Variants in KDM1A observed in about 807,000 individuals in gnomAD.
The protein encoded by KDM1A is lysine-specific histone demethylase 1A.
KDM1A carries 49 observed loss-of-function variants against 109.4 expected under a neutral mutation model. That is an observed-to-expected ratio of 0.45 (90% CI 0.36 to 0.57). The LOEUF (loss-of-function observed/expected upper bound fraction) is 0.57, where lower values mean the gene tolerates loss of function less well. Among genes scored for constraint, KDM1A ranks in the 20% least tolerant of loss-of-function variants. KDM1A has a pLI of 0.00. For synonymous variants in KDM1A, 380 were observed against 415.4 expected (o/e 0.91, Z 1.04); for missense variants, 668 against 1,116.6 (o/e 0.60, Z 5.73).
intron 3 of KDM1A, among the ~76,000 whole-genome samples, chr1:23,049,887 C>T (rs561850758): frequency 3.9e-5 from 6 of 152,248 alleles, no homozygotes; most frequent in South Asian, 2.1e-4. Context: ...TGCTTGCCAG[C>T]GTTGAATTAT....
At chr1:23,048,974 C>A (rs1360206473) in intron 3 of KDM1A, among the ~76,000 whole-genome samples, 3 of 147,860 alleles carry the variant, frequency 2.0e-5, no homozygotes, top group Non-Finnish European at 2.9e-5. Context: ...CATGGGGAAA[C>A]CCTGTCTCTA....
Position 23,073,417 on chromosome 1 carries a change from A to G in KDM1A, c.1734+14A>G, listed in dbSNP as rs758900304. On this transcript the variant is annotated intron_variant, in intron 15 of 20. Coordinates refer to ENST00000400181, the MANE Select transcript of KDM1A (RefSeq NM_001009999.3). ...CACTGGGATCAGGTAAGTTTCCCTT[A>G]TTGTTTATTTTATTGCACATGCCTT... 1 of 1,403,402 alleles carries G rather than the reference A, an allele frequency of 7.1e-7. No individual in the cohort carries two copies. Among genetic ancestry groups the G allele is most frequent in the East Asian group, 2.3e-5 (1 of 43,846 alleles). The allele number at this position is 1,403,402 out of a possible 1,614,324, so 86.9% of individuals were successfully genotyped here. A position where few individuals can be genotyped will look rare whatever the true frequency, so the allele number is the denominator to read the frequency against.
intron 9 of KDM1A, among the ~76,000 whole-genome samples, chr1:23,061,978 G>A (rs185018720): frequency 2.6e-5 from 4 of 152,252 alleles, no homozygotes; most frequent in Admixed American, 6.5e-5. Context: ...TTTTGAACAA[G>A]CTTAAAGGAC....
intron 18 of KDM1A, among the ~76,000 whole-genome samples, chr1:23,080,179 G>C (rs1185410597): frequency 6.6e-6 from 1 of 152,144 alleles, no homozygotes; most frequent in Non-Finnish European, 1.5e-5. Context: ...TGTCAGTGCA[G>C]ACACATCAGC....
chr1:23,052,779 T>C (rs879931772), intron 4 of KDM1A, among the ~76,000 whole-genome samples: 1 of 152,208 alleles, frequency 6.6e-6, no homozygotes, highest in Non-Finnish European at 1.5e-5. Flanking sequence ...CTCTGATTGC[T>C]TTGTAAGATG....
intron 20 of KDM1A, 126 bp from the exon 21 acceptor site, chr1:23,083,050 AATG>A: frequency 1.3e-6 from 1 of 774,894 alleles, no homozygotes. Context: ...TCTTCGATAG[AATG>A]ATGAATAGTA....
intron 1 of KDM1A, chr1:23,020,626 TACAG>T (rs1305662989): frequency 1.3e-5 from 2 of 152,150 alleles, no homozygotes; most frequent in Non-Finnish European, 2.9e-5. Context: ...AAACAGTATA[TACAG>T]ACAGTGACTG....
intron 1 of KDM1A, among the ~76,000 whole-genome samples, chr1:23,027,324 T>G (rs1490686540): frequency 2.0e-5 from 3 of 152,082 alleles, no homozygotes; most frequent in Non-Finnish European, 4.4e-5. Flanking sequence ...CCAATTTTGT[T>G]TCTGTATTTT....
rs764531198 is a variant in KDM1A at position 23,079,515 on chromosome 1, C to A, written c.2056-38C>A. 3 of 1,487,168 alleles carry A rather than the reference C, an allele frequency of 2.0e-6. No homozygotes were observed. Among genetic ancestry groups the A allele is most frequent in the Non-Finnish European group, 2.8e-6 (3 of 1,070,568 alleles). 92.1% of individuals were successfully genotyped at this position (1,487,168 alleles called of 1,614,324 possible). ...GTCTGTTGAAGCCAGTATTATCTGG[C>A]CCCTGTCACTGGCTCATGTGCTTCT... On this transcript the variant is annotated intron_variant, in intron 17 of 20. Coordinates refer to ENST00000400181, the MANE Select transcript of KDM1A (RefSeq NM_001009999.3). The surrounding 1 kb of genome is among the most constrained non-coding windows in gnomAD (Gnocchi z 5.6).
intron 8 of KDM1A, among the ~76,000 whole-genome samples, chr1:23,058,545 G>A (rs1421269565): frequency 6.6e-6 from 1 of 152,136 alleles, no homozygotes. Context: ...ACAGGGTCTT[G>A]CTCTGTTGCC....
In KDM1A at chr1:23,063,195, T is replaced by C. The variant is rs1357162704; in HGVS notation, c.1168-2865T>C. 4.7e-4 allele frequency among the ~76,000 whole-genome samples: 7 copies of C among 14,784 alleles called. No individual in the cohort carries two copies. The East Asian group carries it at 9.6e-3, about 20-fold the overall frequency. The allele number at this position is 14,784 out of a possible 152,430, so 9.7% of individuals were successfully genotyped here. A position where few individuals can be genotyped will look rare whatever the true frequency, so the allele number is the denominator to read the frequency against. On this transcript the variant is annotated intron_variant, in intron 9 of 20. Transcript: ENST00000400181. ...ATCAAATTCCCACAGTGCTGTAGCA[T>C]TGGGGGGGGGGTGTGGTGTGGGGTG...
At chr1:23,063,128 CT>C (rs752039392) in intron 9 of KDM1A, among the ~76,000 whole-genome samples, 18 of 117,978 alleles carry the variant, frequency 1.5e-4, no homozygotes, top group South Asian at 8.2e-4. Context: ...ATGGGCTTTA[CT>C]TTTTTTTTTT....
intron 2 of KDM1A, among the ~76,000 whole-genome samples, chr1:23,038,296 CTT>C (rs1642209609): frequency 6.8e-6 from 1 of 147,544 alleles, no homozygotes; most frequent in East Asian, 2.0e-4. Context: ...GTGTGTAAAA[CTT>C]AAATCTTGAT....
chr1:23,039,593 T>C (rs1557522805), intron 2 of KDM1A, among the ~76,000 whole-genome samples: 2 of 152,234 alleles, frequency 1.3e-5, no homozygotes, highest in African/African-American at 4.8e-5. Flanking sequence ...ACCAATCCAC[T>C]TGATCTCCCA....
chr1:23,034,287 A>G (rs950658240), intron 2 of KDM1A, among the ~76,000 whole-genome samples: 3 of 152,142 alleles, frequency 2.0e-5, no homozygotes, highest in African/African-American at 7.2e-5. Context: ...TTGGTTTCCT[A>G]GTACCTTTTC....
intron 1 of KDM1A, among the ~76,000 whole-genome samples, chr1:23,024,748 G>GTGGA (rs1641743562): frequency 6.6e-6 from 1 of 152,246 alleles, no homozygotes; most frequent in Non-Finnish European, 1.5e-5. Context: ...CTGGAAAAGG[G>GTGGA]TGGACTTTTT....
In KDM1A at chr1:23,019,880, C is replaced by A; in HGVS notation, c.284C>A (p.Thr95Asn). The change falls in exon 1 of 21, where the codon ACC becomes AAC. Residue 95 changes from threonine (T) to asparagine (N), a missense_variant. Around this residue, in one of 8 missense-constraint regions of KDM1A, gnomAD observed 156 missense variants for 163.4 expected, o/e 0.95. Transcript: ENST00000400181. Reference sequence around the variant, plus strand: ...CCTACTGTCGTGCCTGGGTCTGCGACCCCCATGGAAACTGGAATAGCAGAG... The same window carrying A: ...CCTACTGTCGTGCCTGGGTCTGCGAACCCCATGGAAACTGGAATAGCAGAG... ...AGPTVVPGSA[T>N]PMETGIAETP... 2 of 1,559,830 alleles carry A rather than the reference C, an allele frequency of 1.3e-6. No homozygotes were observed. The highest frequency in any genetic ancestry group is 1.7e-6 in the Non-Finnish European group (2 of 1,156,088).
intron 3 of KDM1A, among the ~76,000 whole-genome samples, chr1:23,046,267 AC>A (rs1280097420): frequency 2.0e-5 from 3 of 151,262 alleles, no homozygotes; most frequent in Non-Finnish European, 3.0e-5. Flanking sequence ...GAAATTAAAA[AC>A]TCTGAAGTAT....
intron 9 of KDM1A, among the ~76,000 whole-genome samples, chr1:23,061,823 A>G (rs1272868347): frequency 2.0e-5 from 3 of 151,702 alleles, no homozygotes; most frequent in Admixed American, 2.0e-4. Context: ...CGCCCCACTA[A>G]TTTTTTTGTA....
Sources: gnomAD v4.1 joint callset for allele counts (sites outside exome capture counted in the v4.1 genomes callset) on GRCh38, gnomAD v4.1.1 for gene constraint, gnomAD v4.1.1 regional missense constraint, Gnocchi (gnomAD v3.1) non-coding constraint, MANE v1.5 for transcripts, NCBI Gene and HGNC (gene_info 2026-07-23, HGNC 2026-07-21) for gene names.